GNG2: variants seen among roughly 807,000 people sequenced by gnomAD.
The protein encoded by GNG2 is G protein subunit gamma 2, also known as guanine nucleotide-binding protein G(I)/G(S)/G(O) subunit gamma-2.
GNG2 carries 5 observed loss-of-function variants against 5.5 expected under a neutral mutation model. The ratio of observed to expected loss-of-function variants is 0.91; its 90% CI spans 0.48 to 1.92. The LOEUF (loss-of-function observed/expected upper bound fraction) is 1.92, where lower values mean the gene tolerates loss of function less well. GNG2 is among the 30% of genes most tolerant of loss of function. The pLI is 0.01. For synonymous variants in GNG2, 28 were observed against 32.0 expected (o/e 0.88, Z 0.42); for missense variants, 55 against 88.4 (o/e 0.62, Z 1.52).
chr14:51,932,271 A>AAAAAAAAAAAG lies in GNG2; in HGVS notation c.-29-18378_-29-18377insAAAAAAAAAGA, dbSNP rs60014306. Among the ~76,000 whole-genome samples, 22 of 96,356 alleles carry AAAAAAAAAAAG rather than the reference A, an allele frequency of 2.3e-4. 6 individuals carry two copies. The highest frequency in any genetic ancestry group is 2.9e-4 in the African/African-American group (7 of 24,420). The allele number at this position is 96,356 out of a possible 152,430, so 63.2% of individuals were successfully genotyped here. A position where few individuals can be genotyped will look rare whatever the true frequency, so the allele number is the denominator to read the frequency against. ...CAAAAAAAAAAAAAAAAAAAAAAAAAAGAAAAGAAAATATGGTATATATGC... is the reference window on the plus strand; with the variant it reads ...CAAAAAAAAAAAAAAAAAAAAAAAAAAAAAAAAAAAGAGAAAAGAAAATATGGTATATATGC... On this transcript the variant is annotated intron_variant, in intron 2 of 3. Coordinates refer to ENST00000556766, the MANE Select transcript of GNG2 (RefSeq NM_053064.5).
In GNG2 at chr14:51,828,241, A is replaced by G. The variant is rs540025176; in HGVS notation, c.64+434A>G. On this transcript the variant is annotated intron_variant, in intron 2 of 3. Transcript: ENST00000553432. ...TGCAGGGACTGGGGAAGCCACCTCA[A>G]GGTGAACAGGAGGTGGCAGAGCCTG... Among the ~76,000 whole-genome samples, 127 of 152,256 alleles carry G rather than the reference A, an allele frequency of 8.3e-4. 5 individuals carry two copies. The South Asian group carries it at 0.025, about 29-fold the overall frequency.
At chr14:51,892,893 T>C (rs2140163752) in intron 2 of GNG2, among the ~76,000 whole-genome samples, 1 of 152,346 alleles carries the variant, frequency 6.6e-6, no homozygotes, top group African/African-American at 2.4e-5. Flanking sequence ...GCATATTAGG[T>C]AGTTGTCTGG....
intron 2 of GNG2, among the ~76,000 whole-genome samples, chr14:51,928,619 C>T (rs35289455): frequency 0.056 from 8,440 of 152,072 alleles, 267 homozygotes; most frequent in African/African-American, 0.085. Context: ...CCTAAAAAAA[C>T]ACTGTAATGT....
At chr14:51,861,154 A>G (rs939911221) in intron 1 of GNG2, among the ~76,000 whole-genome samples, 5 of 152,162 alleles carry the variant, frequency 3.3e-5, no homozygotes, top group Admixed American at 6.5e-5. Flanking sequence ...TGAGTGGTGT[A>G]AAATATTAAT....
At chr14:51,883,572 A>G (rs971393927) in intron 2 of GNG2, among the ~76,000 whole-genome samples, 2 of 150,874 alleles carry the variant, frequency 1.3e-5, no homozygotes, top group Admixed American at 6.7e-5. Context: ...GAGAATTTAA[A>G]AAGGAGGTTT....
intron 1 of GNG2, among the ~76,000 whole-genome samples, chr14:51,866,365 A>C (rs1882886022): frequency 6.6e-6 from 1 of 152,084 alleles, no homozygotes; most frequent in Non-Finnish European, 1.5e-5. Context: ...GTGCATTTTC[A>C]ATGGAAACCA....
chr14:51,865,252 C>T (rs888639120), intron 1 of GNG2, among the ~76,000 whole-genome samples: 3 of 151,996 alleles, frequency 2.0e-5, no homozygotes, highest in Non-Finnish European at 2.9e-5. Context: ...CTGGGAGAAG[C>T]CAGGTGCCTG....
At chr14:51,872,487 G>A (rs969687540) in intron 1 of GNG2, among the ~76,000 whole-genome samples, 12 of 152,082 alleles carry the variant, frequency 7.9e-5, no homozygotes, top group Non-Finnish European at 1.6e-4. Flanking sequence ...ATTTTTTGTT[G>A]TTGTTTGAGG....
intron 2 of GNG2, among the ~76,000 whole-genome samples, chr14:51,839,407 C>G (rs1233652227): frequency 6.6e-6 from 1 of 152,196 alleles, no homozygotes; most frequent in Non-Finnish European, 1.5e-5. Context: ...CGAGTTCTGT[C>G]TGCCCTTTGT....
At chr14:51,897,027 G>A (rs1885236770) in intron 2 of GNG2, among the ~76,000 whole-genome samples, 2 of 152,218 alleles carry the variant, frequency 1.3e-5, no homozygotes, top group South Asian at 4.1e-4. Flanking sequence ...AGGAACAAGT[G>A]AATAATGCTA....
chr14:51,902,161 A>C (rs970788056), intron 2 of GNG2, among the ~76,000 whole-genome samples: 1 of 152,090 alleles, frequency 6.6e-6, no homozygotes, highest in Non-Finnish European at 1.5e-5. Flanking sequence ...TCTAATTATT[A>C]AATATTTTTA....
chr14:51,851,424 C>A (rs1484430321), intron 2 of GNG2, among the ~76,000 whole-genome samples: 2 of 152,212 alleles, frequency 1.3e-5, no homozygotes, highest in African/African-American at 4.8e-5. Flanking sequence ...AGAGTACATA[C>A]TAACCTCATC....
intron 2 of GNG2, among the ~76,000 whole-genome samples, chr14:51,913,871 T>TGTATATAATTTATGCATATGTTGC (rs1336721872): frequency 1.3e-5 from 2 of 152,264 alleles, no homozygotes; most frequent in East Asian, 3.8e-4. Flanking sequence ...AAATGTTGCA[T>TGTATATAATTTATGCATATGTTGC]GTATATAATT....
At chr14:51,942,651 T>A (rs1888412320) in intron 2 of GNG2, among the ~76,000 whole-genome samples, 1 of 137,444 alleles carries the variant, frequency 7.3e-6, no homozygotes, top group South Asian at 2.3e-4. Flanking sequence ...TTCAAACTCC[T>A]GGACTCAAAC....
intron 1 of GNG2, among the ~76,000 whole-genome samples, chr14:51,861,119 C>T (rs1248292509): frequency 6.6e-6 from 1 of 151,890 alleles, no homozygotes; most frequent in Non-Finnish European, 1.5e-5. Flanking sequence ...CATCGGAGCC[C>T]GGCAGTCCCC....
chr14:51,912,749 C>T (rs1300440855), intron 2 of GNG2, among the ~76,000 whole-genome samples: 1 of 151,028 alleles, frequency 6.6e-6, no homozygotes, highest in East Asian at 1.9e-4. Flanking sequence ...AAAGGCCCCA[C>T]ACAGGTGAAC....
intron 2 of GNG2, among the ~76,000 whole-genome samples, chr14:51,851,076 GA>G (rs1379596714): frequency 1.3e-5 from 2 of 152,346 alleles, no homozygotes; most frequent in East Asian, 3.9e-4. Flanking sequence ...TTGATTATAA[GA>G]AAAGGCAGCC....
Position 51,908,736 on chromosome 14 carries a change from A to ATTTTTTTTTTTTT in GNG2, c.-30+31090_-30+31102dup, listed in dbSNP as rs3030340. Among the ~76,000 whole-genome samples, 47 of 89,874 alleles carry ATTTTTTTTTTTTT rather than the reference A, an allele frequency of 5.2e-4. 9 individuals are homozygous for ATTTTTTTTTTTTT. The highest frequency in any genetic ancestry group is 6.5e-3 in the Middle Eastern group (1 of 154). The allele number at this position is 89,874 out of a possible 152,430, so 59.0% of individuals were successfully genotyped here. A position where few individuals can be genotyped will look rare whatever the true frequency, so the allele number is the denominator to read the frequency against. On this transcript the variant is annotated intron_variant, in intron 2 of 3. Coordinates refer to ENST00000556766, the MANE Select transcript of GNG2 (RefSeq NM_053064.5). ...AGGCGTGCGCCACCACACCCAGCTA[A>ATTTTTTTTTTTTT]TTTTTTTTTTTTTTTTTTTTTTTAG...
At chr14:51,881,625 A>G (rs1025052422) in intron 2 of GNG2, among the ~76,000 whole-genome samples, 2 of 151,746 alleles carry the variant, frequency 1.3e-5, no homozygotes, top group Non-Finnish European at 2.9e-5. Context: ...CTAAGCAAAG[A>G]GAGCTGTAAT....
Sources: gnomAD v4.1 joint callset for allele counts (sites outside exome capture counted in the v4.1 genomes callset) on GRCh38, gnomAD v4.1.1 for gene constraint, MANE v1.5 for transcripts, NCBI Gene and HGNC (gene_info 2026-07-23, HGNC 2026-07-21) for gene names.